The following KATNIP variants were observed in gnomAD, a reference collection of about 807,000 sequenced individuals.
KATNIP encodes katanin interacting protein.
KATNIP carries 126 observed loss-of-function variants against 174.0 expected under a neutral mutation model. That is an observed-to-expected ratio of 0.72 (90% confidence interval 0.63 to 0.84). The LOEUF (loss-of-function observed/expected upper bound fraction) is 0.84. Ranked by LOEUF, KATNIP falls within the 40% of genes least tolerant of loss-of-function variation. The pLI, the probability that KATNIP is intolerant of heterozygous loss-of-function variation, is 0.00. For missense variants in KATNIP, 1,958 were observed against 2,109.7 expected, an observed-to-expected ratio of 0.93 and a Z score of 1.41; for synonymous variants, 810 against 835.7, an observed-to-expected ratio of 0.97 and a Z score of 0.53.
At chr16:27,681,232 C>T in intron 7 of KATNIP, 167 bp from the exon 8 acceptor site, 3 of 828,600 alleles carry the variant, frequency 3.6e-6, no homozygotes, top group Non-Finnish European at 5.9e-6. Flanking sequence ...TCTCAGCAAA[C>T]TTGTTTCGTC....
chr16:27,673,823 G>A (rs181765060), intron 6 of KATNIP, among the ~76,000 whole-genome samples: 6 of 152,316 alleles, frequency 3.9e-5, no homozygotes, highest in Admixed American at 2.6e-4. Context: ...AGTCAGAGGA[G>A]GTAAGTAACT....
At chr16:27,628,993 C>A (rs2076410812) in intron 4 of KATNIP, among the ~76,000 whole-genome samples, 163 bp downstream of exon 4, 1 of 151,968 alleles carries the variant, frequency 6.6e-6, no homozygotes, top group Non-Finnish European at 1.5e-5. Context: ...CATGGTGAAA[C>A]CCTATCTCTA....
intron 13 of KATNIP, chr16:27,718,886 G>A (rs1297344730): frequency 6.6e-6 from 1 of 152,224 alleles, no homozygotes; most frequent in Non-Finnish European, 1.5e-5. Context: ...ACCAAAACAA[G>A]TCCCCTTTGT....
intron 13 of KATNIP, among the ~76,000 whole-genome samples, chr16:27,719,492 C>T (rs998995644): frequency 1.3e-5 from 2 of 151,702 alleles, no homozygotes; most frequent in African/African-American, 4.8e-5. Context: ...CCTGCCTCAG[C>T]CTCCCCAGTA....
At chr16:27,681,306 T>G (rs2078329300) in intron 7 of KATNIP, 93 bp from the exon 8 acceptor site, 3 of 1,469,914 alleles carry the variant, frequency 2.0e-6, no homozygotes, top group African/African-American at 1.4e-5. Context: ...ATTTGTTGAA[T>G]GAGTAAGTGA....
chr16:27,590,244 A>G (rs1289654464), intron 2 of KATNIP, among the ~76,000 whole-genome samples: 1 of 151,248 alleles, frequency 6.6e-6, no homozygotes, highest in East Asian at 1.9e-4. Context: ...TCTTTCATGG[A>G]TGTTGGTTTT....
At chr16:27,701,398 C>T (rs1354417242) in intron 10 of KATNIP, 191 bp from the exon 11 acceptor site, 3 of 523,440 alleles carry the variant, frequency 5.7e-6, no homozygotes, top group East Asian at 3.0e-5. Flanking sequence ...CCCTGGTCCT[C>T]GGAAGCTGAG....
chr16:27,555,080 G>A (rs2089559515), intron 1 of KATNIP, among the ~76,000 whole-genome samples: 1 of 152,054 alleles, frequency 6.6e-6, no homozygotes, highest in Non-Finnish European at 1.5e-5. Context: ...TTATAGCCAT[G>A]AGCCACCGCA....
At position 27,771,574 on chromosome 16, in the gene KATNIP, T is replaced by C. The variant is rs1023800755; in HGVS notation, c.4134-14T>C. Reference sequence around the variant, plus strand: ...TCGTGAGCTTCTTCATGGTGCTGTTTTGTGCTTTTTCAGGCTGGACATGAG... The same window carrying C: ...TCGTGAGCTTCTTCATGGTGCTGTTCTGTGCTTTTTCAGGCTGGACATGAG... On this transcript the variant is annotated splice_polypyrimidine_tract_variant and intron_variant, in intron 21 of 27. Coordinates refer to ENST00000261588, the MANE Select transcript of KATNIP (RefSeq NM_015202.5). 2.5e-6 allele frequency: 4 copies of C among 1,612,096 alleles called. No homozygotes were observed. Among genetic ancestry groups the C allele is most frequent in the Admixed American group, 3.3e-5 (2 of 59,838 alleles).
intron 5 of KATNIP, among the ~76,000 whole-genome samples, chr16:27,643,851 G>A (rs2076877143): frequency 6.6e-6 from 1 of 151,806 alleles, no homozygotes; most frequent in African/African-American, 2.4e-5. Context: ...AGGGGTGAAA[G>A]GTTCTAACCC....
At position 27,698,461 on chromosome 16, in the gene KATNIP, C is replaced by T. The variant is rs761214459; in HGVS notation, c.1074C>T (p.Leu358=). 1.9e-6 allele frequency: 3 copies of T among 1,612,272 alleles called. No individual in the cohort carries two copies. The highest frequency in any genetic ancestry group is 1.3e-5 in the African/African-American group (1 of 74,908). ...AGAACGCAGCCCTGCAGAGGGCGCTCCTCAGCAGAAAGGCCGAGCAGCCAG... is the reference window on the plus strand; with the variant it reads ...AGAACGCAGCCCTGCAGAGGGCGCTTCTCAGCAGAAAGGCCGAGCAGCCAG... The part of the protein sequence containing the change: ...QVENAALQRA[L]LSRKAEQPAS... The change falls in exon 9 of 28, where the codon CTC becomes CTT. Residue 358 remains leucine, a synonymous_variant. Transcript: ENST00000261588.
In KATNIP at chr16:27,769,932, G is replaced by A. The variant is rs1003634230; in HGVS notation, c.4047G>A (p.Gly1349=). The change falls in exon 21 of 28, where the codon GGG becomes GGA. Residue 1349 remains glycine (G), a synonymous_variant. Coordinates refer to ENST00000261588, the MANE Select transcript of KATNIP (RefSeq NM_015202.5). ...SPPEGFLIRK[G]PGNCHFDFAQ... ...CAGAGGGCTTTCTCATCCGGAAGGG[G>A]CCAGGCAACTGCCACTTTGATTTTG... 6.2e-7 allele frequency: 1 copy of A among 1,614,218 alleles called. No individual in the cohort carries two copies. The highest frequency in any genetic ancestry group is 1.7e-5 in the Admixed American group (1 of 60,030).
chr16:27,699,413 A>G (rs1597209907), intron 9 of KATNIP, 121 bp from the exon 10 acceptor site: 1 of 1,488,106 alleles, frequency 6.7e-7, no homozygotes, highest in Non-Finnish European at 9.0e-7. Context: ...TTGCCCCTGA[A>G]CTTTATATCT....
chr16:27,568,285 C>A (rs1013672812), intron 1 of KATNIP, among the ~76,000 whole-genome samples: 8 of 152,142 alleles, frequency 5.3e-5, no homozygotes, highest in Non-Finnish European at 1.0e-4. Context: ...CTTATTATTT[C>A]TGATATTTGC....
At chr16:27,649,109 A>G (rs2077048461) in intron 6 of KATNIP, among the ~76,000 whole-genome samples, 1 of 152,214 alleles carries the variant, frequency 6.6e-6, no homozygotes, top group Admixed American at 6.5e-5. Context: ...AAAGCTGGGT[A>G]AGAGTTTGAG....
At chr16:27,618,544 T>TA in intron 3 of KATNIP, 43 bp downstream of exon 3, 1 of 1,391,826 alleles carries the variant, frequency 7.2e-7, no homozygotes, top group Non-Finnish European at 1.0e-6. Context: ...ATTAGCGAAG[T>TA]AAAAATCTAT....
chr16:27,588,960 C>T (rs1292293713), intron 2 of KATNIP, among the ~76,000 whole-genome samples: 1 of 146,380 alleles, frequency 6.8e-6, no homozygotes, highest in Non-Finnish European at 1.5e-5. Flanking sequence ...GATCTCACCT[C>T]ACTGCAACCT....
In KATNIP at chr16:27,751,912, G is replaced by A. The variant is rs2081534644; in HGVS notation, c.3540G>A (p.Gly1180=). The A allele has an allele frequency of 6.2e-7, 1 of 1,609,972 alleles. No homozygotes were observed. The highest frequency in any genetic ancestry group is 8.5e-7 in the Non-Finnish European group (1 of 1,179,234). ...GGCCCTTCACCCAGGCTGGCTTGGG[G>A]GCTGATGAACGGGTAGGACTGGAGC... ...DERPFTQAGL[G]ADERIPELEL... Residue 1180 remains glycine (G), a synonymous_variant, in exon 17 of 28, where the codon GGG becomes GGA. Transcript: ENST00000261588.
At chr16:27,758,045 T>C (rs2081804218) in intron 18 of KATNIP, among the ~76,000 whole-genome samples, 1 of 152,228 alleles carries the variant, frequency 6.6e-6, no homozygotes, top group Non-Finnish European at 1.5e-5. Flanking sequence ...GAATATGGAA[T>C]GTTGGATATT....
Sources: allele counts gnomAD v4.1 joint callset (sites outside exome capture counted in the v4.1 genomes callset), GRCh38; gene constraint gnomAD v4.1.1; transcripts MANE v1.5; gene names NCBI Gene and HGNC (gene_info 2026-07-23, HGNC 2026-07-21).